The following RIPOR2 variants were observed in gnomAD, a reference collection of about 807,000 sequenced individuals.
The protein encoded by RIPOR2 is rho family-interacting cell polarization regulator 2.
In RIPOR2, 39 loss-of-function variants were observed where a neutral mutation model predicts 114.5. The ratio of observed to expected loss-of-function variants is 0.34; its 90% CI spans 0.26 to 0.44. The LOEUF is 0.44. Among genes scored for constraint, RIPOR2 ranks in the 20% least tolerant of loss-of-function variants. The pLI is 1.00. For missense variants in RIPOR2, 1,007 were observed against 1,255.1 expected, an observed-to-expected ratio of 0.80 and a Z score of 2.99; for synonymous variants, 445 against 484.4, an observed-to-expected ratio of 0.92 and a Z score of 1.07.
chr6:24,927,183 G>T (rs111534139), intron 1 of RIPOR2, among the ~76,000 whole-genome samples: 52 of 3,724 alleles, frequency 0.014, 22 homozygotes, highest in African/African-American at 0.069. Context: ...CCACCACCAT[G>T]ACCACCACCA....
rs1028480124 is a variant in RIPOR2 at position 24,825,127 on chromosome 6, A to G, written c.2868+99T>C. The G allele has an allele frequency of 1.4e-5, 13 of 914,404 alleles. No individual in the cohort carries two copies. In the African/African-American group the frequency reaches 2.0e-4, roughly 14 times the overall value. The allele number at this position is 914,404 out of a possible 1,614,324, so 56.6% of individuals were successfully genotyped here. A position where few individuals can be genotyped will look rare whatever the true frequency, so the allele number is the denominator to read the frequency against. On this transcript the variant is annotated intron_variant, in intron 19 of 21. Coordinates refer to ENST00000643898, the MANE Select transcript of RIPOR2 (RefSeq NM_001286445.3). ...GGAGCACACATTATTAATACGCAGA[A>G]AAATTATTTTTATAAAGGAATAAAT... is the stretch of plus-strand genomic sequence containing the variant.
chr6:24,971,736 A>G (rs1773797339), intron 1 of RIPOR2, among the ~76,000 whole-genome samples: 1 of 152,230 alleles, frequency 6.6e-6, no homozygotes, highest in African/African-American at 2.4e-5. Flanking sequence ...GCAGATCCCA[A>G]CGCCGGCAGG....
chr6:25,041,755 A>T, intron 1 of RIPOR2: 1 of 638,514 alleles, frequency 1.6e-6, no homozygotes, highest in Non-Finnish European at 2.8e-6. Flanking sequence ...AGGGGGAAAG[A>T]TTGGAGAAGA....
intron 1 of RIPOR2, among the ~76,000 whole-genome samples, chr6:24,975,141 G>A (rs551597169): frequency 1.6e-4 from 24 of 152,138 alleles, no homozygotes; most frequent in South Asian, 8.3e-4. Context: ...TGAACTGTAC[G>A]GTATGTGAAT....
At chr6:25,029,026 C>T (rs1390153341) in intron 1 of RIPOR2, among the ~76,000 whole-genome samples, 2 of 152,112 alleles carry the variant, frequency 1.3e-5, no homozygotes, top group Non-Finnish European at 2.9e-5. Context: ...TGGTGGCTCA[C>T]GCCTGTAATC....
At chr6:24,819,631 G>A (rs989683726) in intron 19 of RIPOR2, among the ~76,000 whole-genome samples, 14 of 73,002 alleles carry the variant, frequency 1.9e-4, no homozygotes, top group South Asian at 7.3e-4. Context: ...CTCCTACCTC[G>A]ATTACAGGTG....
At chr6:25,034,148 C>G (rs1048997626) in intron 1 of RIPOR2, among the ~76,000 whole-genome samples, 1 of 151,658 alleles carries the variant, frequency 6.6e-6, no homozygotes, top group Non-Finnish European at 1.5e-5. Context: ...CTACGCTGTA[C>G]GGGGTGAGGG....
chr6:24,876,640 T>C (rs1765788233), intron 1 of RIPOR2, among the ~76,000 whole-genome samples: 1 of 152,194 alleles, frequency 6.6e-6, no homozygotes, highest in Non-Finnish European at 1.5e-5. Flanking sequence ...AAGCTAAGAT[T>C]GTGCCACTAC....
Position 24,865,343 on chromosome 6 carries a change from C to G in RIPOR2, c.609G>C (p.Glu203Asp). 6.2e-7 allele frequency: 1 copy of G among 1,613,624 alleles called. No individual in the cohort carries two copies. The highest frequency in any genetic ancestry group is 8.5e-7 in the Non-Finnish European group (1 of 1,179,716). ...ATSPASKAAR[E>D]SLTEINRSFK... ...AGCTCCGATTGATCTCTGTCAGACTCTCCCGGGCAGCTTTGCTGGCAGGGG... is the reference window on the plus strand; with the variant it reads ...AGCTCCGATTGATCTCTGTCAGACTGTCCCGGGCAGCTTTGCTGGCAGGGG... The change falls in exon 7 of 22, where the codon GAG (glutamate) becomes GAC (aspartate). Residue 203 changes from glutamate (E) to aspartate (D), a missense_variant. Transcript: ENST00000643898.
chr6:24,867,940 A>G lies in RIPOR2; in HGVS notation c.501+1154T>C, dbSNP rs73398459. ...GGATTGTTGTATCTAACAACCATGG[A>G]TGCAAGATTGATAAATATACCCTTA... is the stretch of plus-strand genomic sequence containing the variant. On this transcript the variant is annotated intron_variant, in intron 6 of 21. Coordinates refer to ENST00000643898, the MANE Select transcript of RIPOR2 (RefSeq NM_001286445.3). 7.8e-3 allele frequency among the ~76,000 whole-genome samples: 1,184 copies of G among 152,354 alleles called. 13 individuals carry two copies. Among genetic ancestry groups the G allele is most frequent in the African/African-American group, 0.027 (1,117 of 41,578 alleles).
intron 1 of RIPOR2, among the ~76,000 whole-genome samples, chr6:24,972,663 C>G (rs1773837912): frequency 6.6e-6 from 1 of 152,118 alleles, no homozygotes; most frequent in South Asian, 2.1e-4. Context: ...GATTTAAGCT[C>G]TATATAACAA....
At chr6:24,879,703 G>T (rs753578595) in intron 1 of RIPOR2, among the ~76,000 whole-genome samples, 4 of 152,140 alleles carry the variant, frequency 2.6e-5, no homozygotes, top group Non-Finnish European at 4.4e-5. Context: ...CTGATGGAGG[G>T]GTGGTAGTTC....
At position 24,876,450 on chromosome 6, in the gene RIPOR2, A is replaced by G. The variant is rs1562301155; in HGVS notation, c.62-633T>C. ...TAACATTTATCTCCATTCAACAACA[A>G]TAAAAACACACAAATAGGCCAAGTC... On this transcript the variant is annotated intron_variant, in intron 1 of 21. Transcript: ENST00000643898. Among the ~76,000 whole-genome samples the G allele has an allele frequency of 2.6e-5, 4 of 152,210 alleles. 1 individual carries two copies. The highest frequency in any genetic ancestry group is 4.8e-5 in the African/African-American group (2 of 41,450).
rs774062723 is a variant in RIPOR2 at position 24,843,009 on chromosome 6, T to C, written c.1710A>G (p.Gly570=). 3.8e-6 allele frequency: 6 copies of C among 1,597,856 alleles called. No individual in the cohort carries two copies. The Admixed American group carries it at 1.0e-4, about 28-fold the overall frequency. ...DRLLSEGSVG[G]ESEGCRSFLD... The stretch of plus-strand genomic sequence containing the variant: ...GAAAGGATCTGCAGCCTTCAGATTC[T>C]CCACCAACAGAACCCTCAGAGAGCA... Residue 570 remains glycine, a synonymous_variant, in exon 13 of 22, where the codon GGA becomes GGG. Transcript: ENST00000643898.
intron 1 of RIPOR2, among the ~76,000 whole-genome samples, chr6:24,971,005 G>A (rs1368732353): frequency 6.6e-6 from 1 of 152,158 alleles, no homozygotes; most frequent in East Asian, 1.9e-4. Flanking sequence ...ATCATGTAAA[G>A]CACTGAAATC....
At chr6:24,829,329 A>G (rs1168178298) in intron 17 of RIPOR2, among the ~76,000 whole-genome samples, 1 of 149,612 alleles carries the variant, frequency 6.7e-6, no homozygotes, top group African/African-American at 2.5e-5. Flanking sequence ...AAATAAATTA[A>G]TTAATTAAAA....
At chr6:24,891,607 G>A (rs1034932573) in intron 1 of RIPOR2, among the ~76,000 whole-genome samples, 21 of 152,008 alleles carry the variant, frequency 1.4e-4, no homozygotes, top group African/African-American at 1.5e-4. Flanking sequence ...ATCCATCAAC[G>A]TATGGCAAAT....
chr6:24,922,207 A>T (rs748937455), intron 1 of RIPOR2, among the ~76,000 whole-genome samples: 15 of 152,236 alleles, frequency 9.9e-5, no homozygotes, highest in Non-Finnish European at 1.9e-4. Flanking sequence ...CAAGGGAGAC[A>T]CATCTTCTAA....
intron 4 of RIPOR2, among the ~76,000 whole-genome samples, chr6:24,871,271 C>T (rs572121593): frequency 2.0e-5 from 3 of 152,182 alleles, no homozygotes; most frequent in South Asian, 2.1e-4. Flanking sequence ...ATAAATGGTA[C>T]GAATATAAAA....
Sources: gnomAD v4.1 joint callset for allele counts (sites outside exome capture counted in the v4.1 genomes callset) on GRCh38, gnomAD v4.1.1 for gene constraint, MANE v1.5 for transcripts, NCBI Gene and HGNC (gene_info 2026-07-23, HGNC 2026-07-21) for gene names.